The following CDH23 variants were observed in gnomAD, a reference collection of about 807,000 sequenced individuals.
CDH23 encodes cadherin related 23, also known as cadherin-23.
CDH23 carries 189 observed loss-of-function variants against 317.1 expected under a neutral mutation model. The observed-to-expected ratio is 0.60, with a 90% CI of 0.53 to 0.67. The LOEUF (loss-of-function observed/expected upper bound fraction) is 0.67. Ranked by LOEUF, CDH23 falls within the 30% of genes least tolerant of loss-of-function variation. The probability of loss-of-function intolerance (pLI) is 0.00; values close to 1 mark genes in which losing one functional copy is unlikely to be tolerated. For synonymous variants in CDH23, 1,839 were observed against 1,876.8 expected (o/e 0.98, Z 0.52); for missense variants, 4,401 against 4,592.4 (o/e 0.96, Z 1.20).
rs1054276880 is a variant in CDH23, at chr10:71,397,635, C to CT, written c.-6+320dup. On this transcript the variant is annotated intron_variant, in intron 1 of 69. Coordinates refer to ENST00000224721, the MANE Select transcript of CDH23 (RefSeq NM_022124.6). The surrounding 1 kb of genome is among the most constrained non-coding windows in gnomAD (Gnocchi z 4.8). ...TCCTGGGACCGCGAACATTTGGGGG[C>CT]TTTGCTCTCGGCGCTACGGAGAGGG... Among the ~76,000 whole-genome samples, 1 of 152,090 alleles carries CT rather than the reference C, an allele frequency of 6.6e-6. No homozygotes were observed. Among genetic ancestry groups the CT allele is most frequent in the African/African-American group, 2.4e-5 (1 of 41,432 alleles).
intron 14 of CDH23, among the ~76,000 whole-genome samples, chr10:71,649,646 C>T (rs1366742106): frequency 6.6e-6 from 1 of 152,218 alleles, no homozygotes; most frequent in Non-Finnish European, 1.5e-5. Flanking sequence ...TGGGGACACC[C>T]TCATGCACAC....
At chr10:71,458,622 A>G (rs1850815190) in intron 3 of CDH23, among the ~76,000 whole-genome samples, 1 of 152,228 alleles carries the variant, frequency 6.6e-6, no homozygotes. Context: ...CATCTTTAGC[A>G]AGTGTGGACT....
chr10:71,536,483 T>G (rs1025371421), intron 6 of CDH23, among the ~76,000 whole-genome samples: 62 of 152,128 alleles, frequency 4.1e-4, no homozygotes, highest in Admixed American at 3.9e-3. Flanking sequence ...AGTGAGTCAC[T>G]GAAGGTTTTA....
chr10:71,522,180 T>C (rs946375623), intron 6 of CDH23, among the ~76,000 whole-genome samples: 5 of 151,968 alleles, frequency 3.3e-5, no homozygotes, highest in African/African-American at 1.2e-4. Flanking sequence ...AGCTTACATA[T>C]GGAGAAGCAA....
intron 3 of CDH23, among the ~76,000 whole-genome samples, chr10:71,494,842 T>C (rs1852870675): frequency 6.6e-6 from 1 of 152,172 alleles, no homozygotes; most frequent in South Asian, 2.1e-4. Context: ...ACTGAGTACC[T>C]GGAAGGCCTC....
intron 38 of CDH23, among the ~76,000 whole-genome samples, chr10:71,772,345 A>G (rs1589412709): frequency 6.6e-6 from 1 of 151,082 alleles, no homozygotes; most frequent in South Asian, 2.1e-4. Flanking sequence ...CAAGCCCTCC[A>G]CCTCCCTCCT....
At chr10:71,701,956 C>A in intron 22 of CDH23, 66 bp from the exon 23 acceptor site, 1 of 1,549,314 alleles carries the variant, frequency 6.5e-7, no homozygotes, top group Non-Finnish European at 8.8e-7. Flanking sequence ...TCAGATACTC[C>A]CGGCCAGCCC....
intron 3 of CDH23, among the ~76,000 whole-genome samples, chr10:71,458,302 G>A (rs780816575): frequency 2.0e-5 from 3 of 152,244 alleles, no homozygotes; most frequent in Non-Finnish European, 2.9e-5. Context: ...TTTCCTTGAA[G>A]GTCCCCTCAC....
chr10:71,526,593 C>T (rs1200655832), intron 6 of CDH23, among the ~76,000 whole-genome samples: 2 of 152,152 alleles, frequency 1.3e-5, no homozygotes, highest in Non-Finnish European at 2.9e-5. Flanking sequence ...ACACCTGGGA[C>T]CTCTTAGTCT....
At chr10:71,695,803 G>A (rs951722886) in intron 22 of CDH23, among the ~76,000 whole-genome samples, 10 of 152,158 alleles carry the variant, frequency 6.6e-5, no homozygotes, top group African/African-American at 9.7e-5. Context: ...AGCTCTGGCC[G>A]GTTCCGCTTG....
intron 25 of CDH23, among the ~76,000 whole-genome samples, chr10:71,705,375 G>GC (rs1352324834): frequency 2.0e-5 from 3 of 152,180 alleles, no homozygotes; most frequent in Non-Finnish European, 4.4e-5. Context: ...TGCTGCCAAA[G>GC]CCCCATCAAC....
In CDH23 at chr10:71,730,588, C is replaced by G; in HGVS notation, c.3699C>G (p.Ala1233=). 2 of 1,613,912 alleles carry G rather than the reference C, an allele frequency of 1.2e-6. No individual in the cohort carries two copies. The highest frequency in any genetic ancestry group is 1.7e-6 in the Non-Finnish European group (2 of 1,179,896). The change falls in exon 31 of 70, where the codon GCC becomes GCG. Residue 1233 remains alanine, a synonymous_variant. Coordinates refer to ENST00000224721, the MANE Select transcript of CDH23 (RefSeq NM_022124.6). ...GIGTSVIVVQ[A]TDRDSGDGGL... is the part of the protein sequence containing the mutation. The stretch of plus-strand genomic sequence containing the variant: ...GAACGTCAGTCATCGTGGTCCAAGC[C>G]ACAGACCGAGACTCTGGTGAGGCTG...
At chr10:71,778,070 G>A (rs1050371027) in intron 39 of CDH23, 119 bp from the exon 40 acceptor site, 19 of 1,478,162 alleles carry the variant, frequency 1.3e-5, no homozygotes, top group Non-Finnish European at 1.7e-5. Context: ...CTGGGCTAGG[G>A]GGTGGCAGTG....
intron 38 of CDH23, among the ~76,000 whole-genome samples, chr10:71,745,751 T>A (rs1315144426): frequency 6.6e-6 from 1 of 152,190 alleles, no homozygotes; most frequent in Non-Finnish European, 1.5e-5. Flanking sequence ...TGGATGCGTG[T>A]ATGAGGAAGG....
At chr10:71,793,970 A>G (rs1841336799) in intron 48 of CDH23, among the ~76,000 whole-genome samples, 1 of 152,026 alleles carries the variant, frequency 6.6e-6, no homozygotes, top group South Asian at 2.1e-4. Flanking sequence ...GAGGAAAGTA[A>G]TACCTTGTTT....
intron 1 of CDH23, among the ~76,000 whole-genome samples, chr10:71,433,199 A>T (rs1222049492): frequency 2.0e-5 from 3 of 152,200 alleles, no homozygotes; most frequent in Middle Eastern, 3.2e-3. Context: ...ACTCCCCTGC[A>T]TACATTCACA....
intron 1 of CDH23, among the ~76,000 whole-genome samples, chr10:71,409,318 A>C (rs1349026333): frequency 6.6e-6 from 1 of 152,162 alleles, no homozygotes; most frequent in Non-Finnish European, 1.5e-5. Flanking sequence ...TCAGGTAGAC[A>C]AAGAAAGTCT....
intron 1 of CDH23, among the ~76,000 whole-genome samples, chr10:71,401,531 A>G (rs1301195390): frequency 6.6e-6 from 1 of 152,156 alleles, no homozygotes; most frequent in Non-Finnish European, 1.5e-5. Flanking sequence ...TTAACTCTTC[A>G]TGGTGGTACT....
At chr10:71,798,140 G>A (rs943572189) in intron 49 of CDH23, among the ~76,000 whole-genome samples, 3 of 152,104 alleles carry the variant, frequency 2.0e-5, no homozygotes, top group Admixed American at 2.0e-4. Flanking sequence ...GGCTCCACCA[G>A]GGTCACCTAG....
Sources: gnomAD v4.1 joint callset for allele counts (sites outside exome capture counted in the v4.1 genomes callset) on GRCh38, gnomAD v4.1.1 for gene constraint, Gnocchi (gnomAD v3.1) non-coding constraint, MANE v1.5 for transcripts, NCBI Gene and HGNC (gene_info 2026-07-23, HGNC 2026-07-21) for gene names.